GRWD1: variants seen among roughly 807,000 people sequenced by gnomAD.
The protein encoded by GRWD1 is glutamate rich WD repeat containing 1.
Under a neutral mutation model 45.3 loss-of-function variants are expected in GRWD1, and 29 were observed. The ratio of observed to expected loss-of-function variants is 0.64; its 90% CI spans 0.48 to 0.87. The LOEUF (loss-of-function observed/expected upper bound fraction) is 0.87. GRWD1 is among the 40% of genes least tolerant of loss of function. GRWD1 has a pLI of 0.00. For synonymous variants in GRWD1, 262 were observed against 257.6 expected (o/e 1.02, Z -0.16); for missense variants, 592 against 618.8 (o/e 0.96, Z 0.46).
chr19:48,453,788 G>C lies in GRWD1; in HGVS notation c.*763G>C, dbSNP rs1051922880. The C allele has an allele frequency of 6.6e-6, 1 of 152,292 alleles. No homozygotes were observed. Among genetic ancestry groups the C allele is most frequent in the Admixed American group, 6.5e-5 (1 of 15,272 alleles). The allele number at this position is 152,292 out of a possible 1,614,324, so 9.4% of individuals were successfully genotyped here. On this transcript the variant is annotated 3_prime_UTR_variant, in exon 7 of 7. Transcript: ENST00000253237. Reference sequence around the variant, plus strand: ...AGCTGGGTTTGGCCAGGATTTCTCCGTGTGGGGGCTACATGCGACCCTCTC... The same window carrying C: ...AGCTGGGTTTGGCCAGGATTTCTCCCTGTGGGGGCTACATGCGACCCTCTC...
At position 48,450,712 on chromosome 19, in the gene GRWD1, A is replaced by G; in HGVS notation, c.729A>G (p.Thr243=). Residue 243 remains threonine, a synonymous_variant, in exon 5 of 7, where the codon ACA becomes ACG. Coordinates refer to ENST00000253237, the MANE Select transcript of GRWD1 (RefSeq NM_031485.4). This position sits in a 1 kb window ranked among gnomAD's most constrained non-coding sequence, Gnocchi z 5.1. ...GTCAAAAGAACATCCACCTCTGGAC[A>G]CCTACGGACGGCGGCTCCTGGCACG... ...GDCQKNIHLW[T]PTDGGSWHVD... The G allele has an allele frequency of 6.2e-7, 1 of 1,613,970 alleles. No individual in the cohort carries two copies. Among genetic ancestry groups the G allele is most frequent in the Non-Finnish European group, 8.5e-7 (1 of 1,180,000 alleles).
chr19:48,451,202 C>G lies in GRWD1; in HGVS notation c.994C>G (p.Leu332Val), dbSNP rs1444416724. ...FLLSGGDDGA[L>V]KIWDLRQFKS... is the part of the protein sequence containing the mutation. ...GCTCAGTGGCGGGGATGATGGGGCC[C>G]TCAAGATCTGGGACCTTCGGCAGTT... Residue 332 changes from leucine (L) to valine (V), a missense_variant, in exon 6 of 7, where the codon CTC becomes GTC. Leu to Val is a conservative substitution (Grantham distance 32). Transcript: ENST00000253237. 2 of 1,606,488 alleles carry G rather than the reference C, an allele frequency of 1.2e-6. No individual in the cohort carries two copies. Among genetic ancestry groups the G allele is most frequent in the Non-Finnish European group, 1.7e-6 (2 of 1,174,854 alleles).
At chr19:48,449,598 G>T (rs1368156297) in intron 3 of GRWD1, among the ~76,000 whole-genome samples, 1 of 152,190 alleles carries the variant, frequency 6.6e-6, no homozygotes, top group Non-Finnish European at 1.5e-5. Context: ...TGATGCAGAA[G>T]GATCGCTTGA....
At position 48,451,232 on chromosome 19, in the gene GRWD1, G is replaced by C. The variant is rs1323574277; in HGVS notation, c.1023+1G>C. On this transcript the variant is annotated splice_donor_variant, in intron 6 of 6. Coordinates refer to ENST00000253237, the MANE Select transcript of GRWD1 (RefSeq NM_031485.4). LOFTEE classifies it high-confidence loss of function. Reference sequence around the variant, plus strand: ...GATCTGGGACCTTCGGCAGTTCAAGGTATTTTCCCAGCCGGACACCTGGGG... The same window carrying C: ...GATCTGGGACCTTCGGCAGTTCAAGCTATTTTCCCAGCCGGACACCTGGGG... The C allele has an allele frequency of 1.3e-6, 2 of 1,574,692 alleles. No homozygotes were observed. The highest frequency in any genetic ancestry group is 1.7e-6 in the Non-Finnish European group (2 of 1,155,528).
rs1156354685 is a variant in GRWD1, at chr19:48,450,402, G to A, written c.558G>A (p.Val186=). 1.9e-6 allele frequency: 3 copies of A among 1,613,920 alleles called. No individual in the cohort carries two copies. The highest frequency in any genetic ancestry group is 1.7e-6 in the Non-Finnish European group (2 of 1,179,962). The change falls in exon 4 of 7, where the codon GTG becomes GTA. Residue 186 remains valine, a synonymous_variant. Coordinates refer to ENST00000253237, the MANE Select transcript of GRWD1 (RefSeq NM_031485.4). The surrounding 1 kb of genome is among the most constrained non-coding windows in gnomAD (Gnocchi z 5.1). ...EVFALRRLLQ[V]VEEPQALAAF... Reference sequence around the variant, plus strand: ...TTGCGCTGCGGCGGCTTCTGCAGGTGGTGGAGGAGCCCCAGGCCCTGGCAG... The same window carrying A: ...TTGCGCTGCGGCGGCTTCTGCAGGTAGTGGAGGAGCCCCAGGCCCTGGCAG...
At position 48,452,884 on chromosome 19, in the gene GRWD1, G is replaced by A. The variant is rs764196955; in HGVS notation, c.1200G>A (p.Leu400=). Residue 400 remains leucine, a synonymous_variant, in exon 7 of 7, where the codon CTG becomes CTA. Transcript: ENST00000253237. This position sits in a 1 kb window ranked among gnomAD's most constrained non-coding sequence, Gnocchi z 5.1. ...GCGACGTGGAGGCCGACCCCGGACT[G>A]GCCGACCTCCCGCAGCAGCTGCTGT... ...EAGDVEADPG[L]ADLPQQLLFV... is the part of the protein sequence containing the mutation. 21 of 1,612,350 alleles carry A rather than the reference G, an allele frequency of 1.3e-5. No homozygotes were observed. The highest frequency in any genetic ancestry group is 1.7e-5 in the Non-Finnish European group (20 of 1,179,816).
Position 48,452,860 on chromosome 19 carries a change from C to T in GRWD1, c.1176C>T (p.Gly392=), listed in dbSNP as rs770298141. 12 of 1,612,786 alleles carry T rather than the reference C, an allele frequency of 7.4e-6. No individual in the cohort carries two copies. The highest frequency in any genetic ancestry group is 3.3e-5 in the Admixed American group (2 of 59,954). ...DLAVERDPEA[G]DVEADPGLAD... ...CAGTGGAGCGGGACCCTGAGGCGGG[C>T]GACGTGGAGGCCGACCCCGGACTGG... Residue 392 remains glycine, a synonymous_variant, in exon 7 of 7, where the codon GGC becomes GGT. Coordinates refer to ENST00000253237, the MANE Select transcript of GRWD1 (RefSeq NM_031485.4). This position sits in a 1 kb window ranked among gnomAD's most constrained non-coding sequence, Gnocchi z 5.1.
rs918037049 is a variant in GRWD1, at chr19:48,452,230, A to G, written c.1024-478A>G. On this transcript the variant is annotated intron_variant, in intron 6 of 6. Coordinates refer to ENST00000253237, the MANE Select transcript of GRWD1 (RefSeq NM_031485.4). The surrounding 1 kb of genome is among the most constrained non-coding windows in gnomAD (Gnocchi z 5.1). ...TTCTCCTGCCTCAGCCTCCTGAGTA[A>G]CTGGGATTACAGGCATGTGACACCA... is the stretch of plus-strand genomic sequence containing the variant. Among the ~76,000 whole-genome samples, 9 of 151,750 alleles carry G rather than the reference A, an allele frequency of 5.9e-5. No homozygotes were observed. Among genetic ancestry groups the G allele is most frequent in the Non-Finnish European group, 7.4e-5 (5 of 67,934 alleles).
intron 3 of GRWD1, 93 bp downstream of exon 3, chr19:48,446,936 T>C (rs1477342146): frequency 3.7e-6 from 2 of 545,260 alleles, no homozygotes; most frequent in Non-Finnish European, 5.1e-6. Context: ...CTCATGTTCT[T>C]TTTTTTTTTT....
rs1229340560 is a variant in GRWD1 at position 48,450,499 on chromosome 19, G to C, written c.655G>C (p.Ala219Pro). The C allele has an allele frequency of 6.2e-7, 1 of 1,614,146 alleles. No individual in the cohort carries two copies. Residue 219 changes from alanine to proline, a missense_variant, in exon 4 of 7, where the codon GCC becomes CCC. Transcript: ENST00000253237. This position sits in a 1 kb window ranked among gnomAD's most constrained non-coding sequence, Gnocchi z 5.1. ...CGCTGGACACATGGGCGAGGGCTTTGCCCTTGACTGGTCCCCCCGGGTGAC... is the reference window on the plus strand; with the variant it reads ...CGCTGGACACATGGGCGAGGGCTTTCCCCTTGACTGGTCCCCCCGGGTGAC... ...SFAGHMGEGF[A>P]LDWSPRVTGR...
chr19:48,446,048 G>A lies in GRWD1; in HGVS notation c.43G>A (p.Glu15Lys), dbSNP rs760015830. 3.8e-5 allele frequency: 60 copies of A among 1,597,280 alleles called. No individual in the cohort carries two copies. Among genetic ancestry groups the A allele is most frequent in the Non-Finnish European group, 4.9e-5 (58 of 1,173,510 alleles). ...TCGGCGGCGCACGTGTGAAACCGGG[G>A]AACCCATGGAAGCCGAGTCCGGCGA... is the stretch of plus-strand genomic sequence containing the variant. The part of the protein sequence containing the change: ...KGRRRTCETG[E>K]PMEAESGDTS... Residue 15 changes from glutamate (E) to lysine (K), a missense_variant, in exon 1 of 7, where the codon GAA becomes AAA. Physicochemically the swap from Glu to Lys is moderately conservative, Grantham distance 56. Coordinates refer to ENST00000253237, the MANE Select transcript of GRWD1 (RefSeq NM_031485.4).
At position 48,452,887 on chromosome 19, in the gene GRWD1, C is replaced by T. The variant is rs376302828; in HGVS notation, c.1203C>T (p.Ala401=). 4.3e-6 allele frequency: 7 copies of T among 1,612,230 alleles called. No homozygotes were observed. Among genetic ancestry groups the T allele is most frequent in the East Asian group, 2.2e-5 (1 of 44,854 alleles). The change falls in exon 7 of 7, where the codon GCC becomes GCT. Residue 401 remains alanine, a synonymous_variant. Coordinates refer to ENST00000253237, the MANE Select transcript of GRWD1 (RefSeq NM_031485.4). The surrounding 1 kb of genome is among the most constrained non-coding windows in gnomAD (Gnocchi z 5.1). Reference sequence around the variant, plus strand: ...ACGTGGAGGCCGACCCCGGACTGGCCGACCTCCCGCAGCAGCTGCTGTTCG... The same window carrying T: ...ACGTGGAGGCCGACCCCGGACTGGCTGACCTCCCGCAGCAGCTGCTGTTCG... ...AGDVEADPGL[A]DLPQQLLFVH...
chr19:48,448,770 AGTCT>A (rs1337368117), intron 3 of GRWD1, among the ~76,000 whole-genome samples: 1 of 152,222 alleles, frequency 6.6e-6, no homozygotes, highest in African/African-American at 2.4e-5. Context: ...GGGAGTGTCC[AGTCT>A]GTCTGGAGCA....
At chr19:48,447,120 C>T (rs1368308000) in intron 3 of GRWD1, among the ~76,000 whole-genome samples, 2 of 139,970 alleles carry the variant, frequency 1.4e-5, no homozygotes, top group Non-Finnish European at 3.0e-5. Flanking sequence ...GTTGTCCAGG[C>T]TGGAGTGCAG....
intron 6 of GRWD1, among the ~76,000 whole-genome samples, chr19:48,451,744 G>T (rs1000915004): frequency 6.6e-5 from 10 of 152,152 alleles, no homozygotes; most frequent in African/African-American, 2.4e-4. Flanking sequence ...GGACAAAGCC[G>T]CAGCTTTGTG....
Position 48,456,437 on chromosome 19 carries a change from G to A in GRWD1, c.*3412G>A, listed in dbSNP as rs1971540184. ...ACACTGTGGGCACTGGACACAGCCAGGCTGGTCCCCTCACCTCAGCCTTGC... is the reference window on the plus strand; with the variant it reads ...ACACTGTGGGCACTGGACACAGCCAAGCTGGTCCCCTCACCTCAGCCTTGC... On this transcript the variant is annotated 3_prime_UTR_variant, in exon 7 of 7. Coordinates refer to ENST00000253237, the MANE Select transcript of GRWD1 (RefSeq NM_031485.4). The A allele has an allele frequency of 6.6e-6, 1 of 152,278 alleles. No homozygotes were observed. Among genetic ancestry groups the A allele is most frequent in the Non-Finnish European group, 1.5e-5 (1 of 68,072 alleles). The allele number at this position is 152,278 out of a possible 1,614,324, so 9.4% of individuals were successfully genotyped here.
intron 3 of GRWD1, among the ~76,000 whole-genome samples, chr19:48,448,343 G>A (rs1434235557): frequency 6.6e-6 from 1 of 152,216 alleles, no homozygotes. Context: ...ACTTAGAGCA[G>A]TACTTGGCTG....
In GRWD1 at chr19:48,451,090, CCCCA is replaced by C; in HGVS notation, c.883_886del (p.Pro295AlafsTer61). On this transcript the variant is annotated frameshift_variant, in exon 6 of 7. Transcript: ENST00000253237. LOFTEE classifies it high-confidence loss of function. ...TCCGCATCTGGGACATCCGGGCAGC[CCCCA>C]GCAAGGCCTGCATGCTCACCACAGC... 6.2e-7 allele frequency: 1 copy of C among 1,614,088 alleles called. No homozygotes were observed. Among genetic ancestry groups the C allele is most frequent in the Non-Finnish European group, 8.5e-7 (1 of 1,179,986 alleles).
At position 48,446,842 on chromosome 19, in the gene GRWD1, G is replaced by A. The variant is rs1187275879; in HGVS notation, c.467G>A (p.Arg156Gln). 2 of 1,611,822 alleles carry A rather than the reference G, an allele frequency of 1.2e-6. No individual in the cohort carries two copies. Among genetic ancestry groups the A allele is most frequent in the African/African-American group, 2.7e-5 (2 of 74,850 alleles). The change falls in exon 3 of 7, where the codon CGG (arginine) becomes CAG (glutamine). Residue 156 changes from arginine (R) to glutamine (Q), a missense_variant and splice_region_variant. Physicochemically the swap from Arg to Gln is conservative, Grantham distance 43. Coordinates refer to ENST00000253237, the MANE Select transcript of GRWD1 (RefSeq NM_031485.4). ...VPHYGGINRV[R>Q]VSWLGEEPVA... Reference sequence around the variant, plus strand: ...CACTATGGTGGCATCAACCGAGTTCGGGTAAGTATGGTCCCAGGAGCCTGC... The same window carrying A: ...CACTATGGTGGCATCAACCGAGTTCAGGTAAGTATGGTCCCAGGAGCCTGC...
Sources: allele counts gnomAD v4.1 joint callset (sites outside exome capture counted in the v4.1 genomes callset), GRCh38; gene constraint gnomAD v4.1.1; non-coding constraint Gnocchi (gnomAD v3.1); transcripts MANE v1.5; gene names NCBI Gene and HGNC (gene_info 2026-07-23, HGNC 2026-07-21).